CACNB2: variants seen among roughly 807,000 people sequenced by gnomAD.
CACNB2 encodes the protein voltage-dependent L-type calcium channel subunit beta-2.
In CACNB2, 42 loss-of-function variants were observed where a neutral mutation model predicts 73.3. The ratio of observed to expected loss-of-function variants is 0.57; its 90% confidence interval spans 0.45 to 0.74. The LOEUF (loss-of-function observed/expected upper bound fraction) is 0.74. CACNB2 is among the 30% of genes least tolerant of loss of function. CACNB2 has a pLI of 0.00. For synonymous variants in CACNB2, 348 were observed against 310.3 expected (o/e 1.12, Z -1.28); for missense variants, 940 against 853.0 (o/e 1.10, Z -1.27).
chr10:18,251,778 G>C (rs1190212520), intron 2 of CACNB2, among the ~76,000 whole-genome samples: 1 of 152,192 alleles, frequency 6.6e-6, no homozygotes, highest in South Asian at 2.1e-4. Flanking sequence ...AGGGGACAGA[G>C]AGCGCGAAGA....
intron 2 of CACNB2, among the ~76,000 whole-genome samples, chr10:18,169,198 T>TTA (rs1554764221): frequency 5.9e-5 from 9 of 151,608 alleles, no homozygotes; most frequent in East Asian, 1.9e-4. Flanking sequence ...TATATATTTT[T>TTA]AAAAAAAATA....
At chr10:18,427,408 T>C (rs2045663972) in intron 3 of CACNB2, among the ~76,000 whole-genome samples, 1 of 152,172 alleles carries the variant, frequency 6.6e-6, no homozygotes, top group South Asian at 2.1e-4. Context: ...ACTTACTGTA[T>C]GTATAATCAT....
intron 3 of CACNB2, among the ~76,000 whole-genome samples, chr10:18,437,607 C>T (rs2046202840): frequency 6.6e-6 from 1 of 152,110 alleles, no homozygotes; most frequent in Non-Finnish European, 1.5e-5. Flanking sequence ...TCACGTGGGC[C>T]AATCTAACTG....
intron 3 of CACNB2, among the ~76,000 whole-genome samples, chr10:18,403,668 A>G (rs11014084): frequency 0.16 from 24,106 of 152,188 alleles, 2,298 homozygotes; most frequent in East Asian, 0.24. Flanking sequence ...TTAACCAAGC[A>G]TGGATCGAAA....
At chr10:18,271,095 C>T (rs1340200443) in intron 2 of CACNB2, among the ~76,000 whole-genome samples, 2 of 152,158 alleles carry the variant, frequency 1.3e-5, no homozygotes, top group Non-Finnish European at 2.9e-5. Flanking sequence ...TATAAACACA[C>T]ATACACAGAG....
At chr10:18,232,069 C>T (rs1232078466) in intron 2 of CACNB2, among the ~76,000 whole-genome samples, 1 of 152,154 alleles carries the variant, frequency 6.6e-6, no homozygotes, top group African/African-American at 2.4e-5. Flanking sequence ...TTATGTGAAA[C>T]ATTCTTAGTT....
chr10:18,492,067 G>A (rs1250182893), intron 3 of CACNB2, among the ~76,000 whole-genome samples: 3 of 152,138 alleles, frequency 2.0e-5, no homozygotes, highest in Non-Finnish European at 1.5e-5. Flanking sequence ...CGTCTAGGAA[G>A]GTGAAGGGAA....
intron 2 of CACNB2, among the ~76,000 whole-genome samples, chr10:18,376,167 A>C (rs1406540458): frequency 2.6e-5 from 4 of 152,244 alleles, no homozygotes; most frequent in Admixed American, 2.0e-4. Flanking sequence ...CAGCCATAAA[A>C]AATCAGTTTC....
chr10:18,210,406 C>T (rs1010901178), intron 2 of CACNB2, among the ~76,000 whole-genome samples: 1 of 152,082 alleles, frequency 6.6e-6, no homozygotes, highest in Non-Finnish European at 1.5e-5. Flanking sequence ...CTTTATATAA[C>T]TGTCTTTGAA....
Position 18,269,938 on chromosome 10 carries a change from T to A in CACNB2, c.213+118963T>A, listed in dbSNP as rs1411929. Reference sequence around the variant, plus strand: ...TGCTACTTCCTTGAGAGCTCTGGAATCTTTTCTTTCTATTCCACCTATCTC... The same window carrying A: ...TGCTACTTCCTTGAGAGCTCTGGAAACTTTTCTTTCTATTCCACCTATCTC... On this transcript the variant is annotated intron_variant, in intron 2 of 13. Coordinates refer to ENST00000324631, the MANE Select transcript of CACNB2 (RefSeq NM_201596.3). Among the ~76,000 whole-genome samples, 4 of 152,102 alleles carry A rather than the reference T, an allele frequency of 2.6e-5. No individual in the cohort carries two copies. In the East Asian group the frequency reaches 7.7e-4, roughly 29 times the overall value.
intron 2 of CACNB2, among the ~76,000 whole-genome samples, chr10:18,197,687 A>T (rs1372077294): frequency 6.6e-6 from 1 of 152,112 alleles, no homozygotes; most frequent in Non-Finnish European, 1.5e-5. Context: ...CCATAGTCAG[A>T]GCATTGCCAT....
At chr10:18,367,889 AT>A (rs2042420937) in intron 2 of CACNB2, among the ~76,000 whole-genome samples, 1 of 152,180 alleles carries the variant, frequency 6.6e-6, no homozygotes, top group Non-Finnish European at 1.5e-5. Context: ...ATGTAATTTA[AT>A]TTGATTTTAG....
intron 2 of CACNB2, among the ~76,000 whole-genome samples, chr10:18,303,372 G>T (rs775301478): frequency 5.3e-5 from 8 of 152,018 alleles, no homozygotes; most frequent in Non-Finnish European, 8.8e-5. Flanking sequence ...AAGTATGGTG[G>T]TGCACGCCTT....
At chr10:18,332,628 G>T (rs1381907914) in intron 2 of CACNB2, among the ~76,000 whole-genome samples, 2 of 152,152 alleles carry the variant, frequency 1.3e-5, no homozygotes, top group Admixed American at 1.3e-4. Flanking sequence ...TCAGAGAAAG[G>T]CTGGGAGAAG....
chr10:18,471,588 A>C (rs777585865), intron 3 of CACNB2, among the ~76,000 whole-genome samples: 2 of 152,144 alleles, frequency 1.3e-5, no homozygotes, highest in Non-Finnish European at 2.9e-5. Context: ...CTGGAGCACT[A>C]GTTAGCCAAA....
chr10:18,226,252 C>G (rs187170483), intron 2 of CACNB2, among the ~76,000 whole-genome samples: 282 of 152,188 alleles, frequency 1.9e-3, no homozygotes, highest in African/African-American at 4.7e-3. Context: ...ATTTCGAACT[C>G]CTGAGCTCAA....
chr10:18,252,190 C>A (rs1330390921), intron 2 of CACNB2, among the ~76,000 whole-genome samples: 1 of 152,086 alleles, frequency 6.6e-6, no homozygotes, highest in Non-Finnish European at 1.5e-5. Flanking sequence ...TGGTGGGAAA[C>A]CTTTAGCTTC....
chr10:18,363,922 G>A (rs979785188), intron 2 of CACNB2, among the ~76,000 whole-genome samples: 5 of 151,014 alleles, frequency 3.3e-5, no homozygotes, highest in Non-Finnish European at 7.4e-5. Flanking sequence ...ATGCTGTTGC[G>A]AATAGTAGGG....
intron 2 of CACNB2, among the ~76,000 whole-genome samples, chr10:18,374,689 T>A (rs1282765628): frequency 6.6e-6 from 1 of 152,246 alleles, no homozygotes; most frequent in Non-Finnish European, 1.5e-5. Context: ...TTCAACACTC[T>A]GCATGATGTA....
Sources: gnomAD v4.1 joint callset for allele counts (sites outside exome capture counted in the v4.1 genomes callset) on GRCh38, gnomAD v4.1.1 for gene constraint, MANE v1.5 for transcripts, NCBI Gene and HGNC (gene_info 2026-07-23, HGNC 2026-07-21) for gene names.